PRKCB: variants seen among roughly 807,000 people sequenced by gnomAD.
The protein encoded by PRKCB is protein kinase C beta type.
In PRKCB, 13 loss-of-function variants were observed where a neutral mutation model predicts 81.5. The observed-to-expected ratio is 0.16, with a 90% CI of 0.10 to 0.25. PRKCB has a LOEUF of 0.25. Among genes scored for constraint, PRKCB ranks in the 10% least tolerant of loss-of-function variants. The pLI, the probability that PRKCB is intolerant of heterozygous loss-of-function variation, is 1.00. For missense variants in PRKCB, 509 were observed against 875.7 expected (o/e 0.58, Z 5.29); for synonymous variants, 335 against 321.4 (o/e 1.04, Z -0.45).
intron 6 of PRKCB, 88 bp downstream of exon 6, chr16:24,093,035 C>A: frequency 7.3e-7 from 1 of 1,370,834 alleles, no homozygotes. Context: ...CCCTTAGCTC[C>A]TGTTTCCTTC....
At position 24,162,515 on chromosome 16, in the gene PRKCB, C is replaced by T. The variant is rs1410582214; in HGVS notation, c.1239+7658C>T. 2.2e-5 allele frequency among the ~76,000 whole-genome samples: 3 copies of T among 133,640 alleles called. No individual in the cohort carries two copies. The Admixed American group carries it at 2.5e-4, about 11-fold the overall frequency. The allele number at this position is 133,640 out of a possible 152,430, so 87.7% of individuals were successfully genotyped here. ...CCAGGCTGGAGTGCAGTGGTATAAT[C>T]ATGGCTTACTGCAGCCTGGACCTCC... On this transcript the variant is annotated intron_variant, in intron 10 of 16. Coordinates refer to ENST00000643927, the MANE Select transcript of PRKCB (RefSeq NM_002738.7).
chr16:24,180,689 C>T, intron 12 of PRKCB, 101 bp from the exon 13 acceptor site: 1 of 1,417,988 alleles, frequency 7.1e-7, no homozygotes, highest in Non-Finnish European at 9.7e-7. Context: ...TTTGTGCCCA[C>T]ACAACACCTA....
rs1281848312 is a variant in PRKCB, at chr16:24,215,701, T to C, written c.*885T>C. 2.0e-6 allele frequency: 2 copies of C among 985,082 alleles called. No individual in the cohort carries two copies. The highest frequency in any genetic ancestry group is 1.7e-5 in the African/African-American group (1 of 57,180). The allele number at this position is 985,082 out of a possible 1,614,324, so 61.0% of individuals were successfully genotyped here. A position where few individuals can be genotyped will look rare whatever the true frequency, so the allele number is the denominator to read the frequency against. ...ACATTGTTACACATGCTTTAAAATATGTATTCAAATGTTATTAACCACAAT... is the reference window on the plus strand; with the variant it reads ...ACATTGTTACACATGCTTTAAAATACGTATTCAAATGTTATTAACCACAAT... On this transcript the variant is annotated 3_prime_UTR_variant, in exon 17 of 17. Transcript: ENST00000643927.
At chr16:24,055,832 C>T (rs1965896977) in intron 5 of PRKCB, among the ~76,000 whole-genome samples, 1 of 152,146 alleles carries the variant, frequency 6.6e-6, no homozygotes, top group Non-Finnish European at 1.5e-5. Flanking sequence ...TTGACAGAAT[C>T]CTTTCAGTCT....
At chr16:23,923,129 G>A (rs1378005835) in intron 2 of PRKCB, among the ~76,000 whole-genome samples, 1 of 152,078 alleles carries the variant, frequency 6.6e-6, no homozygotes, top group Non-Finnish European at 1.5e-5. Context: ...AGGAATCTTG[G>A]TTATGACAGG....
intron 2 of PRKCB, 111 bp from the exon 3 acceptor site, chr16:23,988,397 C>A: frequency 1.2e-6 from 1 of 809,858 alleles, no homozygotes; most frequent in Non-Finnish European, 2.0e-6. Context: ...GGCATAAAGG[C>A]TTTACTTGTT....
At chr16:24,191,348 G>C in intron 16 of PRKCB, 118 bp downstream of exon 16, 1 of 1,174,710 alleles carries the variant, frequency 8.5e-7, no homozygotes, top group Non-Finnish European at 1.2e-6. Context: ...CTGGAACATG[G>C]GTGTATGTAT....
In PRKCB at chr16:24,113,080, T is replaced by C. The variant is rs1966694598; in HGVS notation, c.918+11T>C. Reference sequence around the variant, plus strand: ...CGGCAGAAATTTGAGGTGAGGTTTCTTTTCTTTTTCTCTTCTTTCTTTTTT... The same window carrying C: ...CGGCAGAAATTTGAGGTGAGGTTTCCTTTCTTTTTCTCTTCTTTCTTTTTT... On this transcript the variant is annotated intron_variant, in intron 8 of 16. Transcript: ENST00000643927. 6.3e-7 allele frequency: 1 copy of C among 1,596,538 alleles called. No homozygotes were observed. Among genetic ancestry groups the C allele is most frequent in the Admixed American group, 1.7e-5 (1 of 58,434 alleles).
chr16:23,904,929 A>G (rs754324728), intron 2 of PRKCB, among the ~76,000 whole-genome samples: 3 of 151,290 alleles, frequency 2.0e-5, no homozygotes, highest in Non-Finnish European at 4.4e-5. Context: ...CTGATGTTTT[A>G]TTTCTCCGTA....
chr16:24,214,615 T>C (rs1267117940), intron 16 of PRKCB, 43 bp from the exon 17 acceptor site: 2 of 1,559,474 alleles, frequency 1.3e-6, no homozygotes, highest in South Asian at 2.3e-5. Context: ...TGTTTTTGTT[T>C]TTTTTCCCAC....
At chr16:24,064,187 T>C (rs1180074755) in intron 5 of PRKCB, among the ~76,000 whole-genome samples, 2 of 152,076 alleles carry the variant, frequency 1.3e-5, no homozygotes, top group Non-Finnish European at 2.9e-5. Flanking sequence ...GAAAAAAAAA[T>C]CATAGCAAAT....
At chr16:23,864,828 C>T (rs780603443) in intron 2 of PRKCB, among the ~76,000 whole-genome samples, 22 of 152,010 alleles carry the variant, frequency 1.4e-4, no homozygotes, top group Admixed American at 1.2e-3. Flanking sequence ...CTATTGGTCG[C>T]GCCACTCACA....
At chr16:24,148,398 C>A (rs1199706296) in intron 9 of PRKCB, among the ~76,000 whole-genome samples, 1 of 152,118 alleles carries the variant, frequency 6.6e-6, no homozygotes, top group Non-Finnish European at 1.5e-5. Context: ...TTCATGAGGG[C>A]AGGAACCTTG....
intron 10 of PRKCB, among the ~76,000 whole-genome samples, chr16:24,168,531 T>TCTG (rs1967381922): frequency 7.0e-6 from 1 of 142,850 alleles, no homozygotes; most frequent in Non-Finnish European, 1.5e-5. Flanking sequence ...TATTTTTCTT[T>TCTG]CTTCTTCTAC....
At chr16:23,975,580 A>T (rs1429042665) in intron 2 of PRKCB, among the ~76,000 whole-genome samples, 2 of 152,148 alleles carry the variant, frequency 1.3e-5, no homozygotes, top group Non-Finnish European at 2.9e-5. Flanking sequence ...GACCTGAGTC[A>T]CACGCCCACG....
chr16:23,936,648 G>C (rs1176371529), intron 2 of PRKCB, among the ~76,000 whole-genome samples: 1 of 144,850 alleles, frequency 6.9e-6, no homozygotes, highest in Non-Finnish European at 1.5e-5. Flanking sequence ...GCTCAGGCTG[G>C]TCTCGAACTC....
intron 16 of PRKCB, among the ~76,000 whole-genome samples, chr16:24,196,225 C>T (rs1224008829): frequency 6.6e-6 from 1 of 152,166 alleles, no homozygotes. Context: ...GGAATTCTTA[C>T]TGAATGAGTG....
At chr16:23,879,099 A>T (rs1597224215) in intron 2 of PRKCB, among the ~76,000 whole-genome samples, 1 of 152,090 alleles carries the variant, frequency 6.6e-6, no homozygotes, top group East Asian at 1.9e-4. Context: ...AATCACTTGA[A>T]CTTGGGACGC....
At chr16:23,882,058 T>TTCCTTCCTTCCTTCC in intron 2 of PRKCB, among the ~76,000 whole-genome samples, 1 of 74,864 alleles carries the variant, frequency 1.3e-5, no homozygotes, top group East Asian at 5.2e-4. Flanking sequence ...TCCTTCCTTC[T>TTCCTTCCTTCCTTCC]TCCTTTCCTT....
Sources: gnomAD v4.1 joint callset for allele counts (sites outside exome capture counted in the v4.1 genomes callset) on GRCh38, gnomAD v4.1.1 for gene constraint, MANE v1.5 for transcripts, NCBI Gene and HGNC (gene_info 2026-07-23, HGNC 2026-07-21) for gene names.